Variants in LRP2 observed in about 807,000 individuals in gnomAD.
LRP2 encodes the protein LDL receptor related protein 2.
A neutral mutation model predicts 531.0 loss-of-function variants in LRP2; 172 were observed. The observed-to-expected ratio is 0.32, with a 90% CI of 0.29 to 0.37. The LOEUF (loss-of-function observed/expected upper bound fraction) is 0.37. Among genes scored for constraint, LRP2 ranks in the 10% least tolerant of loss-of-function variants. The pLI is 1.00. For missense variants in LRP2, 5,167 were observed against 5,868.3 expected (o/e 0.88, Z 3.90); for synonymous variants, 1,992 against 2,027.6 (o/e 0.98, Z 0.47).
At chr2:169,146,704 T>G (rs775948940) in intron 69 of LRP2, 35 bp downstream of exon 69, 13 of 1,457,244 alleles carry the variant, frequency 8.9e-6, no homozygotes, top group Non-Finnish European at 1.2e-5. Context: ...TGTTAATTAT[T>G]AATTTAATAT....
At chr2:169,325,059 CAAA>C (rs5836231) in intron 1 of LRP2, among the ~76,000 whole-genome samples, 1 of 75,768 alleles carries the variant, frequency 1.3e-5, no homozygotes. Flanking sequence ...AAGTTTTTTT[CAAA>C]AAAAAAAAAA....
intron 52 of LRP2, among the ~76,000 whole-genome samples, chr2:169,180,197 T>A (rs1687377005): frequency 6.6e-6 from 1 of 152,202 alleles, no homozygotes; most frequent in Non-Finnish European, 1.5e-5. Flanking sequence ...TGTTGAAGCT[T>A]CTTTGAACAT....
intron 1 of LRP2, among the ~76,000 whole-genome samples, chr2:169,343,531 A>T (rs1255884333): frequency 6.6e-6 from 1 of 152,170 alleles, no homozygotes; most frequent in African/African-American, 2.4e-5. Context: ...AAGTGCCAGG[A>T]CCTTGCATGT....
intron 4 of LRP2, among the ~76,000 whole-genome samples, chr2:169,300,972 G>A (rs1684272540): frequency 6.6e-6 from 1 of 152,070 alleles, no homozygotes; most frequent in East Asian, 1.9e-4. Flanking sequence ...AAAGAAAAAT[G>A]TTTAAATTCT....
chr2:169,302,152 A>T (rs900801490), intron 4 of LRP2, among the ~76,000 whole-genome samples: 3 of 144,220 alleles, frequency 2.1e-5, no homozygotes, highest in African/African-American at 8.0e-5. Context: ...CATGAAGATG[A>T]TTTCTGGCTA....
intron 30 of LRP2, among the ~76,000 whole-genome samples, chr2:169,232,264 T>C (rs984812761): frequency 6.6e-6 from 1 of 152,154 alleles, no homozygotes; most frequent in African/African-American, 2.4e-5. Flanking sequence ...ACCTAGAGTT[T>C]TCCAGATTTT....
chr2:169,233,798 G>T (rs548460190), intron 29 of LRP2, among the ~76,000 whole-genome samples: 1 of 152,134 alleles, frequency 6.6e-6, no homozygotes, highest in Non-Finnish European at 1.5e-5. Flanking sequence ...TCACATACAC[G>T]TGCCATTTAC....
chr2:169,358,605 C>T (rs1686056571), intron 1 of LRP2, among the ~76,000 whole-genome samples: 1 of 152,158 alleles, frequency 6.6e-6, no homozygotes, highest in Non-Finnish European at 1.5e-5. Flanking sequence ...CCCCCACAAT[C>T]CTTTTAAACA....
At chr2:169,196,219 C>T (rs1687999776) in intron 46 of LRP2, among the ~76,000 whole-genome samples, 1 of 152,176 alleles carries the variant, frequency 6.6e-6, no homozygotes. Context: ...GAGTAAAATG[C>T]TATCTATAAA....
rs1350378582 is a variant in LRP2, at chr2:169,204,085, G to C, written c.7902C>G (p.Leu2634=). ...SGQIAMTTNL[L]SQPRGINTVV... ...CAGTGTTGATTCCCCTGGGCTGGGA[G>C]AGCAAATTTGTGGTCATTGCAATCT... The change falls in exon 42 of 79, where the codon CTC becomes CTG. Residue 2634 remains leucine (L), a synonymous_variant. Transcript: ENST00000649046. 2 of 1,614,130 alleles carry C rather than the reference G, an allele frequency of 1.2e-6. No homozygotes were observed. Among genetic ancestry groups the C allele is most frequent in the Admixed American group, 1.7e-5 (1 of 60,022 alleles).
At chr2:169,258,700 T>TG (rs1372216896) in intron 17 of LRP2, among the ~76,000 whole-genome samples, 2 of 152,122 alleles carry the variant, frequency 1.3e-5, no homozygotes, top group Non-Finnish European at 2.9e-5. Flanking sequence ...GGGTCTTTCC[T>TG]GTTAATTCTG....
At chr2:169,199,575 A>G (rs1688122933) in intron 44 of LRP2, among the ~76,000 whole-genome samples, 1 of 152,222 alleles carries the variant, frequency 6.6e-6, no homozygotes, top group Non-Finnish European at 1.5e-5. Context: ...TATGTATGCT[A>G]TTTTGTACAA....
rs1683513959 is a variant in LRP2, at chr2:169,274,984, C to G, written c.1975+52G>C. ...ATTAACTTTCAAAGCTTTGAGAAAACCTTTCCACCAAGTCCGGTACCAAGC... is the reference window on the plus strand; with the variant it reads ...ATTAACTTTCAAAGCTTTGAGAAAAGCTTTCCACCAAGTCCGGTACCAAGC... On this transcript the variant is annotated intron_variant, in intron 14 of 78. Coordinates refer to ENST00000649046, the MANE Select transcript of LRP2 (RefSeq NM_004525.3). The G allele has an allele frequency of 2.5e-6, 4 of 1,569,036 alleles. No homozygotes were observed. The African/African-American group carries it at 4.1e-5, about 16-fold the overall frequency.
intron 1 of LRP2, among the ~76,000 whole-genome samples, chr2:169,332,711 G>T (rs1286243739): frequency 6.6e-6 from 1 of 151,932 alleles, no homozygotes; most frequent in Non-Finnish European, 1.5e-5. Context: ...TAGAGATCAG[G>T]TATATACATA....
chr2:169,346,741 A>G lies in LRP2; in HGVS notation c.79+15580T>C, dbSNP rs76339737. On this transcript the variant is annotated intron_variant, in intron 1 of 78. Coordinates refer to ENST00000649046, the MANE Select transcript of LRP2 (RefSeq NM_004525.3). ...GTAATCATTATGGTCTAGACAAATT[A>G]TAACTGCCATGTATATTAAAATCCA... 3.0e-3 allele frequency among the ~76,000 whole-genome samples: 458 copies of G among 152,330 alleles called. 2 individuals carry two copies. Among genetic ancestry groups the G allele is most frequent in the African/African-American group, 0.01 (436 of 41,568 alleles).
chr2:169,346,625 G>A (rs1407180456), intron 1 of LRP2, among the ~76,000 whole-genome samples: 1 of 152,176 alleles, frequency 6.6e-6, no homozygotes, highest in Non-Finnish European at 1.5e-5. Flanking sequence ...GGTTACTTGA[G>A]CCTAGGAGTT....
intron 44 of LRP2, 64 bp downstream of exon 44, chr2:169,201,564 T>C (rs1310460729): frequency 1.2e-6 from 2 of 1,605,182 alleles, no homozygotes; most frequent in African/African-American, 1.3e-5. Context: ...TATATAATAA[T>C]TTCATCTCCT....
rs756543678 is a variant in LRP2, at chr2:169,207,056, A to T, written c.6664T>A (p.Cys2222Ser). ...RPKIERSFLD[C>S]TNRTVLVSEG... is the part of the protein sequence containing the mutation. ...GACACAAGCACTGTTCGATTGGTAC[A>T]GTCAAGGAAAGAACGCTCAATCTTT... The change falls in exon 39 of 79, where the codon TGT becomes AGT. Residue 2222 changes from cysteine to serine, a missense_variant. By Grantham distance (112) the Cys-to-Ser change is moderately radical. This residue lies in a region of LRP2 where 2,811 missense variants were observed against 3,058.0 expected (regional missense o/e 0.92). Coordinates refer to ENST00000649046, the MANE Select transcript of LRP2 (RefSeq NM_004525.3). The T allele has an allele frequency of 6.2e-7, 1 of 1,614,064 alleles. No individual in the cohort carries two copies. The highest frequency in any genetic ancestry group is 1.7e-5 in the Admixed American group (1 of 60,018).
intron 1 of LRP2, among the ~76,000 whole-genome samples, chr2:169,325,939 C>G (rs1479628808): frequency 6.6e-6 from 1 of 151,450 alleles, no homozygotes; most frequent in Non-Finnish European, 1.5e-5. Flanking sequence ...GGACAAAACC[C>G]ACAATGCAAA....
Sources: allele counts gnomAD v4.1 joint callset (sites outside exome capture counted in the v4.1 genomes callset), GRCh38; gene constraint gnomAD v4.1.1; regional missense constraint gnomAD v4.1.1; transcripts MANE v1.5; gene names NCBI Gene and HGNC (gene_info 2026-07-23, HGNC 2026-07-21).